The following FUT9 variants were observed in gnomAD, a reference collection of about 807,000 sequenced individuals.
FUT9 encodes the protein fucosyltransferase 9, also known as 4-galactosyl-N-acetylglucosaminide 3-alpha-L-fucosyltransferase 9.
A neutral mutation model predicts 29.7 loss-of-function variants in FUT9; 15 were observed. The observed-to-expected ratio is 0.51, with a 90% CI of 0.34 to 0.78. FUT9 has a LOEUF of 0.78. Ranked by LOEUF, FUT9 falls within the 30% of genes least tolerant of loss-of-function variation. The pLI, the probability that FUT9 is intolerant of heterozygous loss-of-function variation, is 0.01. For synonymous variants in FUT9, 169 were observed against 153.7 expected (o/e 1.10, Z -0.74); for missense variants, 319 against 425.4 (o/e 0.75, Z 2.20).
chr6:96,157,550 A>G (rs186059136), intron 2 of FUT9, among the ~76,000 whole-genome samples: 31 of 152,328 alleles, frequency 2.0e-4, no homozygotes, highest in African/African-American at 7.2e-4. Flanking sequence ...TATTCTAGAC[A>G]AATAATGACA....
intron 1 of FUT9, among the ~76,000 whole-genome samples, chr6:96,050,742 G>A (rs1433831846): frequency 6.6e-6 from 1 of 152,122 alleles, no homozygotes; most frequent in Non-Finnish European, 1.5e-5. Context: ...GTAAGAAACT[G>A]CTTAGAAAGA....
chr6:96,140,023 A>T (rs1340925267), intron 2 of FUT9, among the ~76,000 whole-genome samples: 1 of 152,046 alleles, frequency 6.6e-6, no homozygotes, highest in Non-Finnish European at 1.5e-5. Context: ...CAGGCTGCAA[A>T]TTTTTCAAAC....
chr6:96,110,948 C>T (rs78355652), intron 1 of FUT9, among the ~76,000 whole-genome samples: 6 of 151,968 alleles, frequency 3.9e-5, no homozygotes, highest in African/African-American at 7.3e-5. Flanking sequence ...CAGGCATGAG[C>T]GACTGTGCTT....
intron 1 of FUT9, among the ~76,000 whole-genome samples, chr6:96,075,135 CGT>C (rs371621403): frequency 6.6e-6 from 1 of 151,540 alleles, no homozygotes; most frequent in South Asian, 2.1e-4. Context: ...TGTGTGTGTG[CGT>C]GTGTGTGTAG....
At position 96,079,238 on chromosome 6, in the gene FUT9, A is replaced by C. The variant is rs118082545; in HGVS notation, c.-97-34801A>C. ...TTCCTTCGACCAACCTTCCATTTTC[A>C]ACAACTTTAAATTTCCACAACACTC... On this transcript the variant is annotated intron_variant, in intron 1 of 2. Transcript: ENST00000302103. 2.6e-3 allele frequency among the ~76,000 whole-genome samples: 395 copies of C among 152,276 alleles called. 11 individuals are homozygous for C. In the East Asian group the frequency reaches 0.044, roughly 17 times the overall value.
At chr6:96,169,524 T>C (rs1773073555) in intron 2 of FUT9, among the ~76,000 whole-genome samples, 1 of 152,188 alleles carries the variant, frequency 6.6e-6, no homozygotes, top group Non-Finnish European at 1.5e-5. Context: ...GCTAATAGTG[T>C]TTTGTTTTTA....
At chr6:96,159,405 C>T (rs994839051) in intron 2 of FUT9, among the ~76,000 whole-genome samples, 1 of 151,888 alleles carries the variant, frequency 6.6e-6, no homozygotes, top group Non-Finnish European at 1.5e-5. Flanking sequence ...AACTTCCTTC[C>T]AAAAATCAAA....
At chr6:96,133,768 A>G (rs919385327) in intron 2 of FUT9, among the ~76,000 whole-genome samples, 18 of 151,980 alleles carry the variant, frequency 1.2e-4, no homozygotes, top group African/African-American at 4.3e-4. Flanking sequence ...GCATGTTTGT[A>G]TAGTATACTT....
At chr6:96,053,787 T>C (rs537806623) in intron 1 of FUT9, among the ~76,000 whole-genome samples, 1 of 152,280 alleles carries the variant, frequency 6.6e-6, no homozygotes, top group East Asian at 1.9e-4. Context: ...TCATGTGTTA[T>C]ATGTTTTTTA....
chr6:96,037,380 T>C (rs1582185263), intron 1 of FUT9: 1 of 152,038 alleles, frequency 6.6e-6, no homozygotes, highest in East Asian at 1.9e-4. Flanking sequence ...CTTTCAAACT[T>C]TGATTTGAGA....
intron 2 of FUT9, among the ~76,000 whole-genome samples, chr6:96,118,615 T>G (rs887999463): frequency 1.3e-5 from 2 of 152,240 alleles, no homozygotes; most frequent in African/African-American, 4.8e-5. Flanking sequence ...ATTTACTATA[T>G]TTTATCATTA....
intron 1 of FUT9, among the ~76,000 whole-genome samples, chr6:96,074,471 G>A (rs1294890844): frequency 6.6e-6 from 1 of 151,968 alleles, no homozygotes; most frequent in Non-Finnish European, 1.5e-5. Flanking sequence ...TAATAATAAG[G>A]CTCTTGGAAG....
intron 2 of FUT9, among the ~76,000 whole-genome samples, chr6:96,116,210 A>C (rs924271438): frequency 1.3e-5 from 2 of 152,200 alleles, no homozygotes; most frequent in African/African-American, 4.8e-5. Context: ...TACAAATGAA[A>C]GCCACAGTAA....
intron 1 of FUT9, among the ~76,000 whole-genome samples, chr6:96,067,198 AT>A (rs1338110936): frequency 4.4e-4 from 12 of 27,024 alleles, no homozygotes; most frequent in African/African-American, 1.4e-3. Context: ...GGCTATGAAT[AT>A]ATATATATAT....
chr6:96,185,926 A>C (rs548386408), intron 2 of FUT9, among the ~76,000 whole-genome samples: 12 of 152,102 alleles, frequency 7.9e-5, no homozygotes, highest in Non-Finnish European at 1.6e-4. Flanking sequence ...AATGGAGCCA[A>C]AAAATTTCCC....
At chr6:96,024,028 C>T (rs376388114) in intron 1 of FUT9, among the ~76,000 whole-genome samples, 3 of 151,812 alleles carry the variant, frequency 2.0e-5, no homozygotes, top group Non-Finnish European at 2.9e-5. Flanking sequence ...ACTATACAAT[C>T]GGATATAGAA....
intron 1 of FUT9, among the ~76,000 whole-genome samples, chr6:96,055,737 G>T (rs1261398335): frequency 1.4e-5 from 2 of 139,732 alleles, no homozygotes; most frequent in Non-Finnish European, 3.0e-5. Flanking sequence ...TAGAGATAGG[G>T]TTCTGCCATG....
At chr6:96,129,111 A>AAT (rs1284733307) in intron 2 of FUT9, among the ~76,000 whole-genome samples, 1 of 150,912 alleles carries the variant, frequency 6.6e-6, no homozygotes, top group Admixed American at 6.6e-5. Context: ...CAAAAAAAAA[A>AAT]AAAAATAGCT....
At position 96,212,402 on chromosome 6, in the gene FUT9, T is replaced by C. The variant is rs1163620959; in HGVS notation, c.*8167T>C. 1 of 412,200 alleles carries C rather than the reference T, an allele frequency of 2.4e-6. No individual in the cohort carries two copies. The highest frequency in any genetic ancestry group is 4.4e-6 in the Non-Finnish European group (1 of 225,270). The allele number at this position is 412,200 out of a possible 1,614,324, so 25.5% of individuals were successfully genotyped here. On this transcript the variant is annotated 3_prime_UTR_variant, in exon 3 of 3. Transcript: ENST00000302103. ...TAAGCAAATGAAGATTATCTGATTG[T>C]CTATGTAAACCTGGAAGTAGTCTAC...
Sources: gnomAD v4.1 joint callset for allele counts (sites outside exome capture counted in the v4.1 genomes callset) on GRCh38, gnomAD v4.1.1 for gene constraint, MANE v1.5 for transcripts, NCBI Gene and HGNC (gene_info 2026-07-23, HGNC 2026-07-21) for gene names.